Variants in DNAH12 observed in about 807,000 individuals in gnomAD.
DNAH12 encodes the protein axonemal beta dynein heavy chain 12.
A neutral mutation model predicts 371.5 loss-of-function variants in DNAH12; 285 were observed. The ratio of observed to expected loss-of-function variants is 0.77; its 90% CI spans 0.70 to 0.85. DNAH12 has a LOEUF of 0.85. Ranked by LOEUF, DNAH12 falls within the 40% of genes least tolerant of loss-of-function variation. The pLI is 0.00. For missense variants in DNAH12, 3,611 were observed against 3,689.4 expected, an observed-to-expected ratio of 0.98 and a Z score of 0.55; for synonymous variants, 1,200 against 1,213.0, an observed-to-expected ratio of 0.99 and a Z score of 0.22.
At chr3:57,317,914 T>C (rs942746379) in intron 65 of DNAH12, among the ~76,000 whole-genome samples, 15 of 152,176 alleles carry the variant, frequency 9.9e-5, no homozygotes, top group Admixed American at 4.6e-4. Context: ...CCCTGCTGAC[T>C]ACTGACATTG....
chr3:57,302,724 C>CA (rs565291908), intron 69 of DNAH12, among the ~76,000 whole-genome samples: 37 of 149,850 alleles, frequency 2.5e-4, no homozygotes, highest in African/African-American at 9.1e-4. Flanking sequence ...TGCAGGCATG[C>CA]ACCACCACAC....
At chr3:57,439,547 T>C (rs1013659807) in intron 29 of DNAH12, among the ~76,000 whole-genome samples, 1 of 152,052 alleles carries the variant, frequency 6.6e-6, no homozygotes, top group Non-Finnish European at 1.5e-5. Context: ...ATTAACTCAA[T>C]ATGGACTGAA....
intron 43 of DNAH12, among the ~76,000 whole-genome samples, chr3:57,397,275 G>T (rs2063762581): frequency 6.6e-6 from 1 of 152,162 alleles, no homozygotes; most frequent in Admixed American, 6.5e-5. Flanking sequence ...TTAAGTGGCT[G>T]CAGCACCCAG....
chr3:57,402,801 T>C (rs1238535105), intron 43 of DNAH12, among the ~76,000 whole-genome samples: 1 of 152,234 alleles, frequency 6.6e-6, no homozygotes, highest in Non-Finnish European at 1.5e-5. Context: ...ATGTATTGCA[T>C]ATTTCAAGAT....
chr3:57,461,845 G>GT (rs1021803722), intron 18 of DNAH12, among the ~76,000 whole-genome samples, 156 bp from the exon 19 acceptor site: 1 of 152,144 alleles, frequency 6.6e-6, no homozygotes, highest in Non-Finnish European at 1.5e-5. Flanking sequence ...AAGTTAGAAG[G>GT]TTTTTCAACA....
chr3:57,455,137 A>G (rs1314470930), intron 22 of DNAH12, among the ~76,000 whole-genome samples: 1 of 152,150 alleles, frequency 6.6e-6, no homozygotes, highest in Non-Finnish European at 1.5e-5. Flanking sequence ...GGGTAGATTT[A>G]ACTGTTGATT....
intron 13 of DNAH12, among the ~76,000 whole-genome samples, chr3:57,480,722 T>C (rs2066709243): frequency 6.6e-6 from 1 of 152,148 alleles, no homozygotes; most frequent in African/African-American, 2.4e-5. Flanking sequence ...TTATCCACCA[T>C]GATCAAGTGG....
rs1278380147 is a variant in DNAH12, at chr3:57,428,435, A to G, written c.5253+198T>C. On this transcript the variant is annotated intron_variant, in intron 34 of 73. Coordinates refer to ENST00000495027, the MANE Select transcript of DNAH12 (RefSeq NM_001366028.2). The stretch of plus-strand genomic sequence containing the variant: ...AAAATTTTAGACACTATGGTTGTAT[A>G]CAAATAGTTTAGCTGGAATAATTCA... 11 of 1,524,806 alleles carry G rather than the reference A, an allele frequency of 7.2e-6. No individual in the cohort carries two copies. The South Asian group carries it at 1.1e-4, about 16-fold the overall frequency. The allele number at this position is 1,524,806 out of a possible 1,614,324, so 94.5% of individuals were successfully genotyped here. A position where few individuals can be genotyped will look rare whatever the true frequency, so the allele number is the denominator to read the frequency against.
chr3:57,369,421 T>C (rs1489596184), intron 55 of DNAH12, among the ~76,000 whole-genome samples: 1 of 150,512 alleles, frequency 6.6e-6, no homozygotes, highest in African/African-American at 2.4e-5. Context: ...TTTCCCATTC[T>C]CTTTCTATTC....
chr3:57,361,790 C>G (rs1477061086), intron 58 of DNAH12, among the ~76,000 whole-genome samples: 2 of 151,926 alleles, frequency 1.3e-5, no homozygotes, highest in African/African-American at 2.4e-5. Context: ...ATAATAATAC[C>G]TATCTGATAC....
chr3:57,325,895 C>T (rs1429744730), intron 62 of DNAH12, among the ~76,000 whole-genome samples: 1 of 152,076 alleles, frequency 6.6e-6, no homozygotes, highest in Non-Finnish European at 1.5e-5. Context: ...AGCTGAAAGC[C>T]AAGGCACGAG....
Position 57,446,192 on chromosome 3 carries a change from C to T in DNAH12, c.4018G>A (p.Val1340Met). ...FNRIELEVLS[V>M]VAQQILCIQR... Reference sequence around the variant, plus strand: ...ATGCAAAGGATCTGTTGAGCTACCACTGACAACACTTCCAACTCAATTCGA... The same window carrying T: ...ATGCAAAGGATCTGTTGAGCTACCATTGACAACACTTCCAACTCAATTCGA... The change falls in exon 27 of 74, where the codon GTG (valine) becomes ATG (methionine). Residue 1340 changes from valine (V) to methionine (M), a missense_variant. Coordinates refer to ENST00000495027, the MANE Select transcript of DNAH12 (RefSeq NM_001366028.2). 6.4e-7 allele frequency: 1 copy of T among 1,551,748 alleles called. No individual in the cohort carries two copies. The highest frequency in any genetic ancestry group is 2.4e-5 in the East Asian group (1 of 40,912).
chr3:57,555,557 G>GA, the DNAH12 span, among the ~76,000 whole-genome samples: 2 of 152,150 alleles, frequency 1.3e-5, no homozygotes, highest in Non-Finnish European at 2.9e-5. Flanking sequence ...ATAACAAACA[G>GA]CCTTCCGCAG....
intron 2 of DNAH12, among the ~76,000 whole-genome samples, chr3:57,524,469 T>A (rs2068565025): frequency 6.6e-6 from 1 of 152,144 alleles, no homozygotes. Flanking sequence ...AGTTGTATAA[T>A]CCTATTGTAT....
At chr3:57,389,822 G>GTATATATATATATATATATATATATATA (rs1191113593) in intron 45 of DNAH12, among the ~76,000 whole-genome samples, 1 of 45,816 alleles carries the variant, frequency 2.2e-5, no homozygotes, top group Admixed American at 2.5e-4. Context: ...GTGTGTGTGT[G>GTATATATATATATATATATATATATATA]TATATATATA....
At chr3:57,319,666 A>C (rs1486409790) in intron 65 of DNAH12, among the ~76,000 whole-genome samples, 1 of 151,628 alleles carries the variant, frequency 6.6e-6, no homozygotes, top group Non-Finnish European at 1.5e-5. Context: ...TGCACCCTCC[A>C]CCTCACAGGC....
intron 5 of DNAH12, among the ~76,000 whole-genome samples, chr3:57,510,568 A>C (rs1409389386): frequency 6.6e-6 from 1 of 152,162 alleles, no homozygotes; most frequent in African/African-American, 2.4e-5. Context: ...TCAACTCAGC[A>C]GGCGGAGGCT....
At position 57,446,258 on chromosome 3, in the gene DNAH12, G is replaced by T. The variant is rs2121743; in HGVS notation, c.3952C>A (p.Leu1318Met). 6.4e-7 allele frequency: 1 copy of T among 1,551,012 alleles called. No individual in the cohort carries two copies. Among genetic ancestry groups the T allele is most frequent in the Non-Finnish European group, 8.7e-7 (1 of 1,146,592 alleles). The change falls in exon 27 of 74, where the codon CTG (leucine) becomes ATG (methionine). Residue 1318 changes from leucine (L) to methionine (M), a missense_variant. This residue lies in a region of DNAH12 where 2,266 missense variants were observed against 2,236.9 expected (regional missense o/e 1.01). Coordinates refer to ENST00000495027, the MANE Select transcript of DNAH12 (RefSeq NM_001366028.2). ...CAAGCCCAAGCACCAGAAGAAGCCA[G>T]TCCTTTAAAAAACTAAGGACAAAGA... is the stretch of plus-strand genomic sequence containing the variant. ...YLAMGKFFKGLASSGAWACFD... is the reference protein window; with the variant it reads ...YLAMGKFFKGMASSGAWACFD...
chr3:57,353,628 A>G (rs1233108219), intron 59 of DNAH12, among the ~76,000 whole-genome samples: 2 of 152,222 alleles, frequency 1.3e-5, no homozygotes, highest in African/African-American at 4.8e-5. Flanking sequence ...CAAACTGTAC[A>G]TCTGACAAAG....
Sources: gnomAD v4.1 joint callset for allele counts (sites outside exome capture counted in the v4.1 genomes callset) on GRCh38, gnomAD v4.1.1 for gene constraint, gnomAD v4.1.1 regional missense constraint, MANE v1.5 for transcripts, NCBI Gene and HGNC (gene_info 2026-07-23, HGNC 2026-07-21) for gene names.